TXLNB: variants seen among roughly 807,000 people sequenced by gnomAD.
TXLNB encodes beta-taxilin.
A neutral mutation model predicts 57.4 loss-of-function variants in TXLNB; 37 were observed. That is an observed-to-expected ratio of 0.64 (90% CI 0.50 to 0.85). The LOEUF is 0.85. Among genes scored for constraint, TXLNB ranks in the 40% least tolerant of loss-of-function variants. TXLNB has a pLI of 0.00. For missense variants in TXLNB, 848 were observed against 825.6 expected (o/e 1.03, Z -0.33); for synonymous variants, 302 against 309.6 (o/e 0.98, Z 0.26).
the TXLNB span, chr6:139,174,408 G>A: frequency 1.4e-5 from 22 of 1,613,802 alleles, no homozygotes; most frequent in East Asian, 8.9e-5. Context: ...TCTGTATGCC[G>A]TGTGCGTGGA....
chr6:139,179,038 A>ATGCATAAAAT, the TXLNB span: 22 of 152,210 alleles, frequency 1.4e-4, no homozygotes. Flanking sequence ...GTGGGAAGAA[A>ATGCATAAAAT]TGCATAAAAT....
In TXLNB at chr6:139,250,177, C is replaced by CTTTTTTT. The variant is rs529236500; in HGVS notation, c.1078-2275_1078-2269dup. ...CTACAGGCACATGCCCCATGTCTGG[C>CTTTTTTT]TTTTTTTTTTTTTTTTTTTTAACAC... is the stretch of plus-strand genomic sequence containing the variant. On this transcript the variant is annotated intron_variant, in intron 7 of 9. Transcript: ENST00000358430. Among the ~76,000 whole-genome samples the CTTTTTTT allele has an allele frequency of 5.6e-5, 7 of 124,410 alleles. No homozygotes were observed. The East Asian group carries it at 7.0e-4, about 12-fold the overall frequency. The allele number at this position is 124,410 out of a possible 152,430, so 81.6% of individuals were successfully genotyped here. A position where few individuals can be genotyped will look rare whatever the true frequency, so the allele number is the denominator to read the frequency against.
At chr6:139,164,251 C>G in the TXLNB span, among the ~76,000 whole-genome samples, 1 of 152,128 alleles carries the variant, frequency 6.6e-6, no homozygotes, top group African/African-American at 2.4e-5. Flanking sequence ...GGGAGTCTGC[C>G]TTTAGCTTCT....
chr6:139,276,756 T>G (rs1583021116), intron 3 of TXLNB, 74 bp downstream of exon 3: 4 of 1,130,712 alleles, frequency 3.5e-6, no homozygotes. Context: ...TTGGCAGGTG[T>G]TTGTTGTTCC....
At chr6:139,239,037 T>C (rs1320208495), downstream of TXLNB, 1 of 152,236 alleles carries the variant, frequency 6.6e-6, no homozygotes, top group East Asian at 1.9e-4. The surrounding 1 kb of genome is among the most constrained non-coding windows in gnomAD (Gnocchi z 4.7). Flanking sequence ...AACGTGTACG[T>C]CAATACCAGG....
At chr6:139,180,373 G>T in the TXLNB span, 2 of 152,772 alleles carry the variant, frequency 1.3e-5, no homozygotes, top group South Asian at 4.1e-4. Context: ...TACACAGTCT[G>T]TTCTCCTGTG....
the TXLNB span, chr6:139,180,240 TA>T: frequency 6.6e-5 from 10 of 152,382 alleles, no homozygotes; most frequent in East Asian, 1.9e-3. Flanking sequence ...TTAACTCATC[TA>T]AAAAGAATCT....
intron 7 of TXLNB, among the ~76,000 whole-genome samples, chr6:139,254,050 A>G (rs1776275028): frequency 6.6e-6 from 1 of 152,094 alleles, no homozygotes; most frequent in South Asian, 2.1e-4. Context: ...GATGATCTTG[A>G]GTTTGTAACT....
the TXLNB span, among the ~76,000 whole-genome samples, chr6:139,193,127 T>C: frequency 6.6e-6 from 1 of 152,114 alleles, no homozygotes; most frequent in Non-Finnish European, 1.5e-5. Context: ...CTCCATGTGT[T>C]GCAGGTTTTC....
intron 1 of TXLNB, among the ~76,000 whole-genome samples, chr6:139,289,859 A>G (rs9495417): frequency 0.4 from 60,517 of 152,094 alleles, 14,905 homozygotes; most frequent in African/African-American, 0.71. Context: ...TTATTTAAAT[A>G]ACTCATAAGA....
the TXLNB span, among the ~76,000 whole-genome samples, chr6:139,217,074 C>A: frequency 0.19 from 28,326 of 152,018 alleles, 3,983 homozygotes; most frequent in African/African-American, 0.4. Context: ...TCCTTAGAAC[C>A]GTGCAGGTAT....
At chr6:139,238,968 G>C (rs990854524), downstream of TXLNB, 2 of 152,162 alleles carry the variant, frequency 1.3e-5, no homozygotes, top group African/African-American at 4.8e-5. Context: ...TTGAAAAGCA[G>C]CATCAGTTTT....
the TXLNB span, among the ~76,000 whole-genome samples, chr6:139,196,451 T>C: frequency 7.3e-6 from 1 of 136,100 alleles, no homozygotes; most frequent in South Asian, 2.6e-4. Context: ...CTTGGCTCAC[T>C]GCAACCTCTG....
chr6:139,175,182 C>G, the TXLNB span, among the ~76,000 whole-genome samples: 28 of 152,098 alleles, frequency 1.8e-4, no homozygotes, highest in Non-Finnish European at 2.9e-5. Flanking sequence ...ACACAAATAA[C>G]CTATAGAATC....
the TXLNB span, among the ~76,000 whole-genome samples, chr6:139,298,527 T>C: frequency 1.3e-5 from 2 of 152,202 alleles, no homozygotes; most frequent in African/African-American, 2.4e-5. Flanking sequence ...ATCCCATTGC[T>C]GGATGTAGTA....
At chr6:139,196,365 GTTTTTTT>G in the TXLNB span, among the ~76,000 whole-genome samples, 1 of 38,966 alleles carries the variant, frequency 2.6e-5, no homozygotes, top group Admixed American at 3.3e-4. Flanking sequence ...TCCAGATCTG[GTTTTTTT>G]TTTTTTTTTT....
chr6:139,212,866 T>C, the TXLNB span, among the ~76,000 whole-genome samples: 1 of 151,632 alleles, frequency 6.6e-6, no homozygotes, highest in Non-Finnish European at 1.5e-5. Flanking sequence ...CCAACAAAGA[T>C]CAAAAGAGAC....
chr6:139,172,942 A>G, the TXLNB span, among the ~76,000 whole-genome samples: 1 of 152,192 alleles, frequency 6.6e-6, no homozygotes, highest in African/African-American at 2.4e-5. Context: ...CTTCATCATT[A>G]TGGTCATCGT....
Position 139,241,421 on chromosome 6 carries a change from G to C in TXLNB, c.*1105C>G, listed in dbSNP as rs1329095528. ...GCAGAAGCTTTTAGAATATAGAATG[G>C]GTCTGACAGCAAGAGATGAATATTA... is the stretch of plus-strand genomic sequence containing the variant. On this transcript the variant is annotated 3_prime_UTR_variant, in exon 10 of 10. Coordinates refer to ENST00000358430, the MANE Select transcript of TXLNB (RefSeq NM_153235.4). 6.6e-6 allele frequency: 1 copy of C among 152,162 alleles called. No homozygotes were observed. Among genetic ancestry groups the C allele is most frequent in the Non-Finnish European group, 1.5e-5 (1 of 68,044 alleles). The allele number at this position is 152,162 out of a possible 1,614,324, so 9.4% of individuals were successfully genotyped here. A position where few individuals can be genotyped will look rare whatever the true frequency, so the allele number is the denominator to read the frequency against.
Sources: gnomAD v4.1 joint callset for allele counts (sites outside exome capture counted in the v4.1 genomes callset) on GRCh38, gnomAD v4.1.1 for gene constraint, Gnocchi (gnomAD v3.1) non-coding constraint, MANE v1.5 for transcripts, NCBI Gene and HGNC (gene_info 2026-07-23, HGNC 2026-07-21) for gene names.